PACSIN2: variants seen among roughly 807,000 people sequenced by gnomAD.
The protein encoded by PACSIN2 is protein kinase C and casein kinase substrate in neurons protein 2.
PACSIN2 carries 25 observed loss-of-function variants against 63.8 expected under a neutral mutation model. The observed-to-expected ratio is 0.39, with a 90% confidence interval of 0.29 to 0.55. PACSIN2 has a LOEUF of 0.55. PACSIN2 is among the 20% of genes least tolerant of loss of function. PACSIN2 has a pLI of 0.62. For missense variants in PACSIN2, 518 were observed against 646.9 expected, an observed-to-expected ratio of 0.80 and a Z score of 2.16; for synonymous variants, 255 against 256.2, an observed-to-expected ratio of 1.00 and a Z score of 0.05.
intron 1 of PACSIN2, among the ~76,000 whole-genome samples, chr22:42,913,100 T>C (rs1488733010): frequency 6.6e-6 from 1 of 152,170 alleles, no homozygotes. Context: ...CTACCTAGGC[T>C]TAAATCCCAG....
intron 1 of PACSIN2, among the ~76,000 whole-genome samples, chr22:42,953,922 C>A (rs1371632140): frequency 2.0e-5 from 3 of 152,120 alleles, no homozygotes; most frequent in Non-Finnish European, 4.4e-5. Flanking sequence ...ATGCTTAGAG[C>A]AAGAATGGTA....
intron 1 of PACSIN2, among the ~76,000 whole-genome samples, chr22:43,000,655 G>A (rs1404779295): frequency 6.6e-6 from 1 of 152,170 alleles, no homozygotes; most frequent in Non-Finnish European, 1.5e-5. Flanking sequence ...GAGCTATAAG[G>A]GGAGGTGATG....
intron 1 of PACSIN2, among the ~76,000 whole-genome samples, chr22:42,969,320 T>C (rs1016354699): frequency 1.3e-5 from 2 of 152,230 alleles, no homozygotes; most frequent in South Asian, 2.1e-4. Flanking sequence ...ATTCTATAAA[T>C]GTATTCCAAC....
intron 9 of PACSIN2, 151 bp from the exon 10 acceptor site, chr22:42,876,484 T>C (rs1310856379): frequency 6.1e-6 from 4 of 652,220 alleles, no homozygotes; most frequent in Non-Finnish European, 5.3e-6. Flanking sequence ...CTAGTGTGAG[T>C]TCATGCCATC....
intron 1 of PACSIN2, among the ~76,000 whole-genome samples, chr22:42,915,499 G>C (rs1293817821): frequency 1.3e-5 from 2 of 152,136 alleles, no homozygotes; most frequent in East Asian, 3.9e-4. Context: ...GGTGCAATGA[G>C]GGACAAGCGT....
chr22:42,889,694 T>C (rs1929763430), intron 4 of PACSIN2, among the ~76,000 whole-genome samples: 1 of 152,030 alleles, frequency 6.6e-6, no homozygotes, highest in Non-Finnish European at 1.5e-5. Context: ...GTCTACTCCA[T>C]TCCAGCTAGG....
intron 1 of PACSIN2, among the ~76,000 whole-genome samples, chr22:42,990,006 ACATATATATACACACATATG>A (rs1922921686): frequency 6.9e-6 from 1 of 144,640 alleles, no homozygotes; most frequent in Non-Finnish European, 1.5e-5. Context: ...ATATACACAC[ACATATATATACACACATATG>A]TATATATATG....
intron 1 of PACSIN2, among the ~76,000 whole-genome samples, chr22:42,938,894 A>T (rs1302353611): frequency 6.6e-6 from 1 of 152,232 alleles, no homozygotes; most frequent in Admixed American, 6.5e-5. Flanking sequence ...TGTATTTTTT[A>T]AAAATCCTAT....
At chr22:42,968,299 T>A (rs1317502966) in intron 1 of PACSIN2, among the ~76,000 whole-genome samples, 1 of 152,038 alleles carries the variant, frequency 6.6e-6, no homozygotes, top group Non-Finnish European at 1.5e-5. Flanking sequence ...TTTTTCATAG[T>A]CCCTAATAAC....
chr22:42,967,841 T>C (rs1343586865), intron 1 of PACSIN2, among the ~76,000 whole-genome samples: 2 of 152,092 alleles, frequency 1.3e-5, no homozygotes, highest in Non-Finnish European at 2.9e-5. Flanking sequence ...TGAGCCGAGA[T>C]CACGCCACTG....
chr22:42,952,228 A>G (rs1933725845), intron 1 of PACSIN2, among the ~76,000 whole-genome samples: 1 of 152,250 alleles, frequency 6.6e-6, no homozygotes, highest in Non-Finnish European at 1.5e-5. Context: ...AGAATGAATG[A>G]GTCAAGGAAT....
At chr22:42,964,816 G>A (rs1395074056) in intron 1 of PACSIN2, among the ~76,000 whole-genome samples, 2 of 152,016 alleles carry the variant, frequency 1.3e-5, no homozygotes, top group African/African-American at 2.4e-5. Flanking sequence ...GGCAAACACC[G>A]AGATCCTACA....
At chr22:42,999,841 T>C (rs1923653256) in intron 1 of PACSIN2, among the ~76,000 whole-genome samples, 1 of 152,190 alleles carries the variant, frequency 6.6e-6, no homozygotes. Flanking sequence ...ATTAAGCTTC[T>C]CTGAGCCTAT....
chr22:42,970,019 G>A (rs1921130362), intron 1 of PACSIN2, among the ~76,000 whole-genome samples: 1 of 152,060 alleles, frequency 6.6e-6, no homozygotes, highest in African/African-American at 2.4e-5. Context: ...ACTGTAGAAT[G>A]CTCACAAAAT....
intron 1 of PACSIN2, among the ~76,000 whole-genome samples, chr22:43,008,383 T>G (rs1924235302): frequency 6.6e-6 from 1 of 152,110 alleles, no homozygotes. Flanking sequence ...CCCCAGTAGC[T>G]GGGATTACAG....
intron 10 of PACSIN2, among the ~76,000 whole-genome samples, chr22:42,875,618 C>T (rs1433111219): frequency 1.3e-5 from 2 of 152,104 alleles, no homozygotes; most frequent in African/African-American, 4.8e-5. Context: ...TCACTGCAAC[C>T]TCCACCTCCC....
rs1491204408 is a variant in PACSIN2 at position 42,962,776 on chromosome 22, G to GGGGCGC, written c.-77-50620_-77-50619insGCGCCC. On this transcript the variant is annotated intron_variant, in intron 1 of 10. Coordinates refer to ENST00000263246, the MANE Select transcript of PACSIN2 (RefSeq NM_001184970.3). ...CCAGTCACAAGAGCAAGGTGTGGGC[G>GGGGCGC]GGGGGGGGGGGCGGCGCAGAAAAAG... is the stretch of plus-strand genomic sequence containing the variant. 5.3e-5 allele frequency among the ~76,000 whole-genome samples: 4 copies of GGGGCGC among 75,774 alleles called. No individual in the cohort carries two copies. The South Asian group carries it at 1.3e-3, about 24-fold the overall frequency. The allele number at this position is 75,774 out of a possible 152,430, so 49.7% of individuals were successfully genotyped here.
intron 1 of PACSIN2, among the ~76,000 whole-genome samples, chr22:43,009,681 CCT>C (rs1491311446): frequency 2.0e-5 from 3 of 152,128 alleles, no homozygotes; most frequent in African/African-American, 7.2e-5. Context: ...CGCTCCTCCC[CCT>C]CTGTCATCTC....
intron 8 of PACSIN2, among the ~76,000 whole-genome samples, chr22:42,877,348 C>T (rs1928720492): frequency 3.9e-5 from 6 of 152,114 alleles, no homozygotes; most frequent in Admixed American, 3.9e-4. Context: ...CTCCTCTGTC[C>T]TGACTCCCAC....
Sources: allele counts gnomAD v4.1 joint callset (sites outside exome capture counted in the v4.1 genomes callset), GRCh38; gene constraint gnomAD v4.1.1; transcripts MANE v1.5; gene names NCBI Gene and HGNC (gene_info 2026-07-23, HGNC 2026-07-21).